Variants in RINT1 observed in about 807,000 individuals in gnomAD.
RINT1 encodes RAD50-interacting protein 1.
A neutral mutation model predicts 97.7 loss-of-function variants in RINT1; 75 were observed. The ratio of observed to expected loss-of-function variants is 0.77; its 90% CI spans 0.64 to 0.93. The LOEUF (loss-of-function observed/expected upper bound fraction) is 0.93. Among genes scored for constraint, RINT1 ranks in the 40% least tolerant of loss-of-function variants. RINT1 has a pLI of 0.00. For missense variants in RINT1, 892 were observed against 925.2 expected, an observed-to-expected ratio of 0.96 and a Z score of 0.47; for synonymous variants, 303 against 326.3, an observed-to-expected ratio of 0.93 and a Z score of 0.77.
At chr7:105,546,138 A>G (rs567566177) in intron 4 of RINT1, among the ~76,000 whole-genome samples, 2 of 152,264 alleles carry the variant, frequency 1.3e-5, no homozygotes, top group South Asian at 4.1e-4. Flanking sequence ...CTGGAATTAT[A>G]TTTCTTTGAA....
intron 2 of RINT1, among the ~76,000 whole-genome samples, chr7:105,534,265 C>T (rs1343225244): frequency 6.6e-6 from 1 of 152,092 alleles, no homozygotes; most frequent in African/African-American, 2.4e-5. Context: ...GGCAGGGTTT[C>T]ACCATTTTGG....
chr7:105,566,173 G>A (rs899247971), intron 14 of RINT1: 2 of 151,630 alleles, frequency 1.3e-5, no homozygotes, highest in Non-Finnish European at 2.9e-5. Context: ...ACCTGCTTGG[G>A]AGGCTGAGGC....
chr7:105,562,742 CA>C (rs1029737369), intron 11 of RINT1, among the ~76,000 whole-genome samples: 21 of 145,140 alleles, frequency 1.4e-4, no homozygotes, highest in Admixed American at 2.1e-4. Context: ...ACGAAAGTTA[CA>C]AAAAAAAAAA....
At chr7:105,554,513 A>G (rs965224651) in intron 10 of RINT1, among the ~76,000 whole-genome samples, 1 of 148,218 alleles carries the variant, frequency 6.7e-6, no homozygotes, top group Non-Finnish European at 1.5e-5. Context: ...ATGTTGGCTC[A>G]CTGCAACCTC....
In RINT1 at chr7:105,542,477, C is replaced by T; in HGVS notation, c.343C>T (p.Gln115Ter). Residue 115 changes from glutamine (Q) to a stop codon, truncating the protein, a stop_gained, in exon 4 of 15, where the codon CAA becomes TAA. Coordinates refer to ENST00000257700, the MANE Select transcript of RINT1 (RefSeq NM_021930.6). LOFTEE classifies it high-confidence loss of function. ...CTTAAAAAATGCAGAAGAATCAAAG[C>T]AATTTCTTAATCAGTTTCTGGAGCA... is the stretch of plus-strand genomic sequence containing the variant. ...SALKNAEESK[Q>*]FLNQFLEQET... 4.3e-6 allele frequency: 7 copies of T among 1,613,638 alleles called. No homozygotes were observed. The highest frequency in any genetic ancestry group is 5.9e-6 in the Non-Finnish European group (7 of 1,179,678).
chr7:105,554,433 TTTTC>T (rs1021522896), intron 10 of RINT1, among the ~76,000 whole-genome samples: 8 of 151,138 alleles, frequency 5.3e-5, no homozygotes, highest in South Asian at 2.1e-4. Context: ...TGTCATTTTT[TTTTC>T]TTTCTTTTTT....
Position 105,545,536 on chromosome 7 carries a change from T to A in RINT1, c.516-1374T>A, listed in dbSNP as rs1440213239. 1.6e-3 allele frequency among the ~76,000 whole-genome samples: 237 copies of A among 149,320 alleles called. 1 individual carries two copies. The highest frequency in any genetic ancestry group is 4.4e-3 in the African/African-American group (180 of 40,932). ...TTTGTATATATATATATATATTTTT[T>A]TTTTTTTGAGATGGAGTCTTACTCT... On this transcript the variant is annotated intron_variant, in intron 4 of 14. Transcript: ENST00000257700.
chr7:105,560,940 C>G (rs1048471293), intron 11 of RINT1, among the ~76,000 whole-genome samples: 1 of 151,972 alleles, frequency 6.6e-6, no homozygotes, highest in Non-Finnish European at 1.5e-5. Context: ...AGGCTGATCT[C>G]GAACCTCAGA....
chr7:105,557,272 T>C (rs1377027724), intron 11 of RINT1, among the ~76,000 whole-genome samples: 1 of 152,110 alleles, frequency 6.6e-6, no homozygotes, highest in African/African-American at 2.4e-5. Context: ...GACTTAAATA[T>C]ACTATTAGAA....
At chr7:105,542,891 G>GT (rs1554361047) in intron 4 of RINT1, among the ~76,000 whole-genome samples, 159 of 147,302 alleles carry the variant, frequency 1.1e-3, no homozygotes, top group Non-Finnish European at 1.2e-3. Flanking sequence ...AAACTTTTAA[G>GT]TTTTTTTTTT....
Position 105,565,452 on chromosome 7 carries a change from CAAG to C in RINT1, c.2066_2067+1del, listed in dbSNP as rs774482766. ...AGAGAAGCTGGATGTATACATCTAC[CAAG>C]AAGTAAGTAAGAATAGACTGTTTTT... On this transcript the variant is annotated inframe_deletion and splice_region_variant, in exon 13 of 15. Coordinates refer to ENST00000257700, the MANE Select transcript of RINT1 (RefSeq NM_021930.6). 1.2e-6 allele frequency: 2 copies of C among 1,613,490 alleles called. No homozygotes were observed. Among genetic ancestry groups the C allele is most frequent in the East Asian group, 4.5e-5 (2 of 44,858 alleles).
At chr7:105,534,314 C>T (rs533366121) in intron 2 of RINT1, among the ~76,000 whole-genome samples, 7 of 152,204 alleles carry the variant, frequency 4.6e-5, no homozygotes, top group African/African-American at 1.7e-4. Flanking sequence ...GGCAATCCAC[C>T]GTCCTCGGCC....
intron 1 of RINT1, 56 bp from the exon 2 acceptor site, chr7:105,532,768 G>A (rs532616769): frequency 1.9e-6 from 3 of 1,583,226 alleles, no homozygotes; most frequent in East Asian, 2.2e-5. Flanking sequence ...AGCCCCGTAT[G>A]CTTTCCATCC....
rs1194466010 is a variant in RINT1 at position 105,550,088 on chromosome 7, A to T, written c.1030A>T (p.Ile344Phe). ...EWYLAQVLMW[I>F]GNHTEFLDEK... ...GTACTTGGCTCAAGTACTTATGTGG[A>T]TTGGAAACCATACTGAATTTCTGGA... is the stretch of plus-strand genomic sequence containing the variant. The change falls in exon 8 of 15, where the codon ATT becomes TTT. Residue 344 changes from isoleucine (I) to phenylalanine (F), a missense_variant. Transcript: ENST00000257700. 6.2e-7 allele frequency: 1 copy of T among 1,613,548 alleles called. No individual in the cohort carries two copies. Among genetic ancestry groups the T allele is most frequent in the South Asian group, 1.1e-5 (1 of 90,980 alleles).
chr7:105,542,415 C>G lies in RINT1; in HGVS notation c.281C>G (p.Thr94Arg), dbSNP rs774464035. The change falls in exon 4 of 15, where the codon ACA becomes AGA. Residue 94 changes from threonine to arginine, a missense_variant. Thr to Arg is a moderately conservative substitution (Grantham distance 71, BLOSUM62 -1). Coordinates refer to ENST00000257700, the MANE Select transcript of RINT1 (RefSeq NM_021930.6). The part of the protein sequence containing the change: ...SKMQLEEQVL[T>R]ISSEIPKRIR... ...TTTTAAAATTATGGTCAGGTACTTA[C>G]AATTTCATCAGAAATTCCTAAAAGA... 6 of 1,596,838 alleles carry G rather than the reference C, an allele frequency of 3.8e-6. No homozygotes were observed. Among genetic ancestry groups the G allele is most frequent in the South Asian group, 2.2e-5 (2 of 90,336 alleles).
At chr7:105,566,963 A>G in intron 14 of RINT1, 156 bp from the exon 15 acceptor site, 2 of 442,528 alleles carry the variant, frequency 4.5e-6, no homozygotes, top group Non-Finnish European at 7.8e-6. Context: ...GTGTAGTCTT[A>G]CCATGTTAAA....
Position 105,555,058 on chromosome 7 carries a change from G to A in RINT1, c.1502G>A (p.Arg501Gln), listed in dbSNP as rs1586250404. 8 of 1,613,684 alleles carry A rather than the reference G, an allele frequency of 5.0e-6. No individual in the cohort carries two copies. The highest frequency in any genetic ancestry group is 5.1e-6 in the Non-Finnish European group (6 of 1,179,932). ...DRYKNLPTAS[R>Q]KLQFLELQKD... Reference sequence around the variant, plus strand: ...TATAAAAATCTTCCCACAGCTTCCCGAAAGCTTCAGTTCCTGGAGTTACAG... The same window carrying A: ...TATAAAAATCTTCCCACAGCTTCCCAAAAGCTTCAGTTCCTGGAGTTACAG... The change falls in exon 11 of 15, where the codon CGA becomes CAA. Residue 501 changes from arginine (R) to glutamine (Q), a missense_variant. Coordinates refer to ENST00000257700, the MANE Select transcript of RINT1 (RefSeq NM_021930.6).
Sources: allele counts gnomAD v4.1 joint callset (sites outside exome capture counted in the v4.1 genomes callset), GRCh38; gene constraint gnomAD v4.1.1; transcripts MANE v1.5; gene names NCBI Gene and HGNC (gene_info 2026-07-23, HGNC 2026-07-21).